Variants in CHIA observed in about 807,000 individuals in gnomAD.
The protein encoded by CHIA is chitinase acidic.
CHIA carries 47 observed loss-of-function variants against 53.5 expected under a neutral mutation model. The observed-to-expected ratio is 0.88, with a 90% CI of 0.70 to 1.12. The LOEUF is 1.12. Among genes scored for constraint, CHIA ranks in the 50% most tolerant of loss-of-function variants. The pLI is 0.00. For missense variants in CHIA, 652 were observed against 592.2 expected (o/e 1.10, Z -1.05); for synonymous variants, 268 against 222.2 (o/e 1.21, Z -1.83).
chr1:111,300,059 G>C (rs12404495), intron 1 of CHIA, among the ~76,000 whole-genome samples: 42,103 of 151,624 alleles, frequency 0.28, 6,119 homozygotes, highest in East Asian at 0.35. Flanking sequence ...GAACTACAAA[G>C]CACTGCTCAA....
intron 1 of CHIA, among the ~76,000 whole-genome samples, chr1:111,295,323 G>A (rs1049229191): frequency 6.6e-6 from 1 of 152,184 alleles, no homozygotes; most frequent in African/African-American, 2.4e-5. Context: ...TGGGATTACA[G>A]GCATGAGCCA....
At chr1:111,319,626 G>T (rs1011123177) in intron 11 of CHIA, among the ~76,000 whole-genome samples, 158 bp downstream of exon 11, 2 of 152,172 alleles carry the variant, frequency 1.3e-5, no homozygotes, top group African/African-American at 4.8e-5. Context: ...ACCCTTGAAC[G>T]GCCATGTCAG....
Position 111,317,664 on chromosome 1 carries a change from G to A in CHIA, c.481-17G>A. 2 of 1,614,038 alleles carry A rather than the reference G, an allele frequency of 1.2e-6. No homozygotes were observed. Among genetic ancestry groups the A allele is most frequent in the Non-Finnish European group, 1.7e-6 (2 of 1,179,918 alleles). On this transcript the variant is annotated splice_polypyrimidine_tract_variant and intron_variant, in intron 6 of 11. Transcript: ENST00000369740. ...ATCAGCATCATAGATGTCCTATTAT[G>A]CCTTATTATTCTGTAGGAAATGCGT...
At position 111,315,564 on chromosome 1, in the gene CHIA, C is replaced by T. The variant is rs1422888957; in HGVS notation, c.480+129C>T. 6 of 979,798 alleles carry T rather than the reference C, an allele frequency of 6.1e-6. No homozygotes were observed. The East Asian group carries it at 1.3e-4, about 22-fold the overall frequency. 60.7% of individuals were successfully genotyped at this position (979,798 alleles called of 1,614,324 possible). ...ATAGAATATTAGCATTGCAAAGAGT[C>T]TTATATATCGTGCGTTCATTAAACA... On this transcript the variant is annotated intron_variant, in intron 6 of 11. Coordinates refer to ENST00000369740, the MANE Select transcript of CHIA (RefSeq NM_201653.4).
chr1:111,292,107 A>G (rs1039652852), intron 1 of CHIA, among the ~76,000 whole-genome samples: 1 of 152,206 alleles, frequency 6.6e-6, no homozygotes, highest in African/African-American at 2.4e-5. Flanking sequence ...TTCCCCTATA[A>G]TTACTCCTCA....
Position 111,315,308 on chromosome 1 carries a change from C to T in CHIA, c.353C>T (p.Thr118Ile). The part of the protein sequence containing the change: ...AMVSTPENRQ[T>I]FITSVIKFLR... Reference sequence around the variant, plus strand: ...GTTTCTACTCCTGAGAACCGCCAGACTTTCATCACCTCAGTCATCAAATTC... The same window carrying T: ...GTTTCTACTCCTGAGAACCGCCAGATTTTCATCACCTCAGTCATCAAATTC... The change falls in exon 6 of 12, where the codon ACT becomes ATT. Residue 118 changes from threonine to isoleucine, a missense_variant. Thr to Ile is a moderately conservative substitution (Grantham distance 89). Transcript: ENST00000369740. The T allele has an allele frequency of 2.5e-6, 4 of 1,613,068 alleles. No individual in the cohort carries two copies. The highest frequency in any genetic ancestry group is 3.4e-6 in the Non-Finnish European group (4 of 1,179,896).
At position 111,320,271 on chromosome 1, in the gene CHIA, G is replaced by T; in HGVS notation, c.1236G>T (p.Gly412=). The T allele has an allele frequency of 1.9e-6, 3 of 1,614,144 alleles. No homozygotes were observed. The highest frequency in any genetic ancestry group is 2.5e-6 in the Non-Finnish European group (3 of 1,179,968). ...EPITAAPSGS[G]NGSGSSSSGG... is the part of the protein sequence containing the mutation. ...TAACTGCTGCTCCCAGTGGCAGCGG[G>T]AACGGGAGCGGGAGTAGCAGCTCTG... The change falls in exon 12 of 12, where the codon GGG becomes GGT. Residue 412 remains glycine, a synonymous_variant. Coordinates refer to ENST00000369740, the MANE Select transcript of CHIA (RefSeq NM_201653.4).
chr1:111,310,329 T>A, intron 1 of CHIA, 71 bp from the exon 2 acceptor site: 1 of 1,498,524 alleles, frequency 6.7e-7, no homozygotes, highest in Non-Finnish European at 8.9e-7. Flanking sequence ...GGAGGGTGTT[T>A]GTAGAAGAGA....
At chr1:111,314,683 T>C (rs142036921) in intron 5 of CHIA, 87 bp downstream of exon 5, 139 of 901,602 alleles carry the variant, frequency 1.5e-4, no homozygotes, top group Non-Finnish European at 9.2e-5. Context: ...GACTTCACAA[T>C]CTAAGACAGG....
In CHIA at chr1:111,312,358, C is replaced by T. The variant is rs1178525521; in HGVS notation, c.224C>T (p.Thr75Ile). ...EITTIEWNDV[T>I]LYQAFNGLKN... ...ACCACCATCGAATGGAATGATGTGA[C>T]TCTCTACCAAGCTTTCAATGGCCTG... The change falls in exon 4 of 12, where the codon ACT (threonine) becomes ATT (isoleucine). Residue 75 changes from threonine to isoleucine, a missense_variant. By Grantham distance (89) the Thr-to-Ile change is moderately conservative. Transcript: ENST00000369740. 3 of 1,614,112 alleles carry T rather than the reference C, an allele frequency of 1.9e-6. No homozygotes were observed. The highest frequency in any genetic ancestry group is 1.7e-6 in the Non-Finnish European group (2 of 1,179,996).
In CHIA at chr1:111,320,336, C is replaced by T; in HGVS notation, c.1301C>T (p.Ala434Val). Residue 434 changes from alanine to valine, a missense_variant, in exon 12 of 12, where the codon GCC (alanine) becomes GTC (valine). Transcript: ENST00000369740. The stretch of plus-strand genomic sequence containing the variant: ...GGCAGTGGATTCTGTGCTGTCAGAG[C>T]CAACGGCCTCTACCCCGTGGCAAAT... Reference protein sequence around the residue: ...SGGSGFCAVRANGLYPVANNR... With the variant: ...SGGSGFCAVRVNGLYPVANNR... The T allele has an allele frequency of 1.2e-6, 2 of 1,614,220 alleles. No homozygotes were observed. Among genetic ancestry groups the T allele is most frequent in the Non-Finnish European group, 1.7e-6 (2 of 1,180,038 alleles).
intron 1 of CHIA, among the ~76,000 whole-genome samples, chr1:111,294,806 T>C (rs999813106): frequency 1.3e-5 from 2 of 152,250 alleles, no homozygotes; most frequent in Non-Finnish European, 2.9e-5. Context: ...GCCATTTTTT[T>C]CTTCATTCTT....
rs141843885 is a variant in CHIA, at chr1:111,319,388, A to G, written c.1097A>G (p.Asp366Gly). The G allele has an allele frequency of 1.2e-6, 2 of 1,614,182 alleles. No individual in the cohort carries two copies. The highest frequency in any genetic ancestry group is 1.7e-6 in the Non-Finnish European group (2 of 1,179,994). The change falls in exon 11 of 12, where the codon GAC (aspartate) becomes GGC (glycine). Residue 366 changes from aspartate (D) to glycine (G), a missense_variant. Asp to Gly is a moderately conservative substitution (Grantham distance 94). Transcript: ENST00000369740. ...GAMVWAIDLDDFTGTFCNQGK... is the reference protein window; with the variant it reads ...GAMVWAIDLDGFTGTFCNQGK... Reference sequence around the variant, plus strand: ...ATGGTCTGGGCCATTGATCTGGATGACTTCACTGGCACTTTCTGCAACCAG... The same window carrying G: ...ATGGTCTGGGCCATTGATCTGGATGGCTTCACTGGCACTTTCTGCAACCAG...
intron 6 of CHIA, chr1:111,316,676 A>G (rs2101649181): frequency 1.3e-5 from 2 of 152,322 alleles, no homozygotes; most frequent in South Asian, 4.1e-4. Context: ...AGTGCCCAGT[A>G]GGCATCAGAT....
At chr1:111,304,173 C>T (rs1647991328) in intron 1 of CHIA, among the ~76,000 whole-genome samples, 1 of 152,052 alleles carries the variant, frequency 6.6e-6, no homozygotes, top group African/African-American at 2.4e-5. Flanking sequence ...ACTCTCTTTG[C>T]CTTTGTCCTT....
At chr1:111,310,589 T>A in intron 2 of CHIA, 97 bp downstream of exon 2, 1 of 1,567,910 alleles carries the variant, frequency 6.4e-7, no homozygotes, top group Non-Finnish European at 8.6e-7. Flanking sequence ...ACTACATCCC[T>A]ATACTTTTCC....
chr1:111,316,739 AC>A (rs1356577731), intron 6 of CHIA: 1 of 152,152 alleles, frequency 6.6e-6, no homozygotes, highest in Non-Finnish European at 1.5e-5. Context: ...TGGTTTTTAG[AC>A]TTACTGTCTC....
In CHIA at chr1:111,319,459, C is replaced by G; in HGVS notation, c.1168C>G (p.Gln390Glu). 1 of 1,613,780 alleles carries G rather than the reference C, an allele frequency of 6.2e-7. No individual in the cohort carries two copies. Residue 390 changes from glutamine to glutamate, a missense_variant, in exon 11 of 12, where the codon CAG becomes GAG. Physicochemically the swap from Gln to Glu is conservative, Grantham distance 29. Coordinates refer to ENST00000369740, the MANE Select transcript of CHIA (RefSeq NM_201653.4). Reference sequence around the variant, plus strand: ...CACCCTGAAGAAGGCCCTCGGCCTGCAGAGTGCAAGTAAGTGACTGAGGGG... The same window carrying G: ...CACCCTGAAGAAGGCCCTCGGCCTGGAGAGTGCAAGTAAGTGACTGAGGGG... ...ISTLKKALGL[Q>E]SASCTAPAQP...
intron 1 of CHIA, among the ~76,000 whole-genome samples, chr1:111,296,400 G>A (rs771741989): frequency 7.9e-5 from 12 of 152,284 alleles, no homozygotes; most frequent in African/African-American, 1.4e-4. Flanking sequence ...TTGCTGTTCC[G>A]CAGCCTCCAC....
Sources: gnomAD v4.1 joint callset for allele counts (sites outside exome capture counted in the v4.1 genomes callset) on GRCh38, gnomAD v4.1.1 for gene constraint, MANE v1.5 for transcripts, NCBI Gene and HGNC (gene_info 2026-07-23, HGNC 2026-07-21) for gene names.